The following AGAP1 variants were observed in gnomAD, a reference collection of about 807,000 sequenced individuals.
AGAP1 encodes the protein arf-GAP with GTPase, ANK repeat and PH domain-containing protein 1.
Under a neutral mutation model 105.3 loss-of-function variants are expected in AGAP1, and 29 were observed. That is an observed-to-expected ratio of 0.28 (90% CI 0.21 to 0.38). The LOEUF is 0.38. AGAP1 is among the 10% of genes least tolerant of loss of function. AGAP1 has a pLI of 1.00. For synonymous variants in AGAP1, 509 were observed against 485.9 expected (o/e 1.05, Z -0.63); for missense variants, 998 against 1,165.1 (o/e 0.86, Z 2.09).
intron 1 of AGAP1, among the ~76,000 whole-genome samples, chr2:235,618,804 T>C (rs979910841): frequency 6.6e-6 from 1 of 152,206 alleles, no homozygotes; most frequent in South Asian, 2.1e-4. Context: ...CCCCCAAAGA[T>C]GTCCCAAGTC....
rs1051196843 is a variant in AGAP1 at position 235,792,150 on chromosome 2, G to A, written c.674-5609G>A. ...CTGTGCTCCAGCTTTCCCAGTAGCA[G>A]AGGAACCCTCTTCCCAAACGTGGGC... On this transcript the variant is annotated intron_variant, in intron 6 of 17. Coordinates refer to ENST00000304032, the MANE Select transcript of AGAP1 (RefSeq NM_001037131.3). The surrounding 1 kb of genome is among the most constrained non-coding windows in gnomAD (Gnocchi z 5.3). 2.0e-5 allele frequency among the ~76,000 whole-genome samples: 3 copies of A among 152,164 alleles called. No individual in the cohort carries two copies. The highest frequency in any genetic ancestry group is 7.2e-5 in the African/African-American group (3 of 41,428).
rs538142525 is a variant in AGAP1 at position 235,633,279 on chromosome 2, T to C, written c.164-75900T>C. Among the ~76,000 whole-genome samples, 1 of 152,190 alleles carries C rather than the reference T, an allele frequency of 6.6e-6. No individual in the cohort carries two copies. Among genetic ancestry groups the C allele is most frequent in the East Asian group, 1.9e-4 (1 of 5,156 alleles). ...GTTCCATGACTTGGGGGCAGCCAAG[T>C]AGAAGTGGAATTGGACAAATAGGGC... On this transcript the variant is annotated intron_variant, in intron 1 of 17. Coordinates refer to ENST00000304032, the MANE Select transcript of AGAP1 (RefSeq NM_001037131.3). This position sits in a 1 kb window ranked among gnomAD's most constrained non-coding sequence, Gnocchi z 4.8.
intron 6 of AGAP1, among the ~76,000 whole-genome samples, chr2:235,796,710 C>T (rs1268031979): frequency 6.6e-6 from 1 of 152,168 alleles, no homozygotes; most frequent in African/African-American, 2.4e-5. Flanking sequence ...GCCCCGTCTA[C>T]GTTATAACCT....
chr2:235,754,037 A>T lies in AGAP1; in HGVS notation c.673+3549A>T, dbSNP rs1953695825. ...GTTAAACATTGTAAGGTTTATATAA[A>T]GTTGAAGAAATTGAGGCTCAGAGAA... On this transcript the variant is annotated intron_variant, in intron 6 of 17. Transcript: ENST00000304032. The surrounding 1 kb of genome is among the most constrained non-coding windows in gnomAD (Gnocchi z 4.6). Among the ~76,000 whole-genome samples the T allele has an allele frequency of 6.6e-6, 1 of 152,220 alleles. No individual in the cohort carries two copies. Among genetic ancestry groups the T allele is most frequent in the African/African-American group, 2.4e-5 (1 of 41,452 alleles).
rs181506017 is a variant in AGAP1, at chr2:235,547,773, G to A, written c.163+52924G>A. ...CTCCCACAGTGCTGGGATTACAGGC[G>A]TGAGCCACCATGCCCGGCCATGAGT... On this transcript the variant is annotated intron_variant, in intron 1 of 17. Transcript: ENST00000304032. Among the ~76,000 whole-genome samples the A allele has an allele frequency of 1.9e-3, 291 of 152,292 alleles. 1 individual carries two copies. Among genetic ancestry groups the A allele is most frequent in the South Asian group, 7.5e-3 (36 of 4,826 alleles).
At chr2:235,613,202 G>A (rs1299722671) in intron 1 of AGAP1, among the ~76,000 whole-genome samples, 1 of 151,920 alleles carries the variant, frequency 6.6e-6, no homozygotes, top group Admixed American at 6.6e-5. Context: ...CGCCATTTTG[G>A]CCAGGCTGGT....
chr2:235,984,457 G>A (rs1352673557), intron 13 of AGAP1, among the ~76,000 whole-genome samples: 2 of 146,102 alleles, frequency 1.4e-5, no homozygotes, highest in East Asian at 4.0e-4. Context: ...ACTTTTCAAG[G>A]AACCACCAAA....
chr2:236,040,917 A>G lies in AGAP1; in HGVS notation c.1891+76A>G, dbSNP rs2057531087. The G allele has an allele frequency of 6.2e-6, 9 of 1,450,870 alleles. No homozygotes were observed. The highest frequency in any genetic ancestry group is 8.7e-6 in the Non-Finnish European group (9 of 1,036,268). 89.9% of individuals were successfully genotyped at this position (1,450,870 alleles called of 1,614,324 possible). ...CATGGTCCCACTAGGCCCGGGTTGC[A>G]GGGGACTCACATCTGTCCTGTTTGG... On this transcript the variant is annotated intron_variant, in intron 15 of 17. Coordinates refer to ENST00000304032, the MANE Select transcript of AGAP1 (RefSeq NM_001037131.3). The surrounding 1 kb of genome is among the most constrained non-coding windows in gnomAD (Gnocchi z 5.6).
intron 10 of AGAP1, among the ~76,000 whole-genome samples, chr2:235,894,770 G>T (rs1433791375): frequency 6.6e-6 from 1 of 152,132 alleles, no homozygotes; most frequent in Non-Finnish European, 1.5e-5. Context: ...TTATTCTAAA[G>T]TGTGATTCGG....
intron 16 of AGAP1, among the ~76,000 whole-genome samples, chr2:236,112,828 G>A (rs895251945): frequency 5.3e-5 from 8 of 152,360 alleles, no homozygotes; most frequent in Middle Eastern, 3.4e-3. Context: ...GTTGCTGGCC[G>A]GCCACCTTAT....
rs1230018892 is a variant in AGAP1 at position 235,993,012 on chromosome 2, T to C, written c.1645+24389T>C. Among the ~76,000 whole-genome samples, 1 of 152,220 alleles carries C rather than the reference T, an allele frequency of 6.6e-6. No individual in the cohort carries two copies. Among genetic ancestry groups the C allele is most frequent in the African/African-American group, 2.4e-5 (1 of 41,452 alleles). Reference sequence around the variant, plus strand: ...TCATGAAAGATAGTAGCAAAAGTTATTGTTATACGTTACAAAAAACCAGTT... The same window carrying C: ...TCATGAAAGATAGTAGCAAAAGTTACTGTTATACGTTACAAAAAACCAGTT... On this transcript the variant is annotated intron_variant, in intron 13 of 17. Transcript: ENST00000304032. The surrounding 1 kb of genome is among the most constrained non-coding windows in gnomAD (Gnocchi z 5.0).
chr2:235,649,853 A>C (rs1049529649), intron 1 of AGAP1, among the ~76,000 whole-genome samples: 3 of 152,256 alleles, frequency 2.0e-5, no homozygotes, highest in Non-Finnish European at 4.4e-5. Context: ...GAAGTACTTC[A>C]GCTCCTCCAT....
intron 6 of AGAP1, among the ~76,000 whole-genome samples, chr2:235,757,739 T>C (rs1258084648): frequency 6.6e-6 from 1 of 152,184 alleles, no homozygotes; most frequent in Admixed American, 6.5e-5. Flanking sequence ...GGTGTGCTCT[T>C]GATGCTTTGC....
Position 235,787,527 on chromosome 2 carries a change from G to A in AGAP1, c.674-10232G>A, listed in dbSNP as rs976832415. Among the ~76,000 whole-genome samples the A allele has an allele frequency of 1.3e-5, 2 of 152,192 alleles. No homozygotes were observed. Among genetic ancestry groups the A allele is most frequent in the African/African-American group, 4.8e-5 (2 of 41,452 alleles). ...GACAAGGTGTGCAGGAGGTGGATGT[G>A]ATGTTGTGGTTGGTTGGTTGACATT... is the stretch of plus-strand genomic sequence containing the variant. On this transcript the variant is annotated intron_variant, in intron 6 of 17. Transcript: ENST00000304032. The surrounding 1 kb of genome is among the most constrained non-coding windows in gnomAD (Gnocchi z 4.4).
At chr2:235,955,909 C>T (rs2053927816) in intron 12 of AGAP1, among the ~76,000 whole-genome samples, 1 of 152,186 alleles carries the variant, frequency 6.6e-6, no homozygotes, top group Non-Finnish European at 1.5e-5. Context: ...CCCACCTTCC[C>T]CACTCAGATA....
Position 235,714,307 on chromosome 2 carries a change from T to C in AGAP1, c.223-3250T>C, listed in dbSNP as rs1950988015. On this transcript the variant is annotated intron_variant, in intron 2 of 17. Coordinates refer to ENST00000304032, the MANE Select transcript of AGAP1 (RefSeq NM_001037131.3). This position sits in a 1 kb window ranked among gnomAD's most constrained non-coding sequence, Gnocchi z 4.1. ...CTGGGATTACAGGCGTGAGCCACCA[T>C]GCCCAGCCAGGGGTTAGGTTTCAAC... 6.6e-6 allele frequency among the ~76,000 whole-genome samples: 1 copy of C among 152,000 alleles called. No individual in the cohort carries two copies. Among genetic ancestry groups the C allele is most frequent in the Non-Finnish European group, 1.5e-5 (1 of 68,002 alleles).
chr2:235,722,501 A>G (rs1951438586), intron 3 of AGAP1, among the ~76,000 whole-genome samples: 1 of 152,180 alleles, frequency 6.6e-6, no homozygotes, highest in Non-Finnish European at 1.5e-5. Context: ...TCAGCAATCC[A>G]TGCTGTTTCT....
intron 1 of AGAP1, among the ~76,000 whole-genome samples, chr2:235,645,098 G>A (rs1947330204): frequency 6.6e-6 from 1 of 152,104 alleles, no homozygotes; most frequent in African/African-American, 2.4e-5. Context: ...GTTTTACCAT[G>A]TTGGCCAGGC....
chr2:235,883,132 T>G lies in AGAP1; in HGVS notation c.1051-213T>G, dbSNP rs1016337030. 2.0e-5 allele frequency among the ~76,000 whole-genome samples: 3 copies of G among 152,140 alleles called. No individual in the cohort carries two copies. The highest frequency in any genetic ancestry group is 4.4e-5 in the Non-Finnish European group (3 of 68,036). Reference sequence around the variant, plus strand: ...TACCTTTAGGTGTTTCCTGTGTGTTTAGCAGTTAATTATCCAAAAGATCTA... The same window carrying G: ...TACCTTTAGGTGTTTCCTGTGTGTTGAGCAGTTAATTATCCAAAAGATCTA... On this transcript the variant is annotated intron_variant, in intron 9 of 17. Transcript: ENST00000304032. This position sits in a 1 kb window ranked among gnomAD's most constrained non-coding sequence, Gnocchi z 4.5.
Sources: gnomAD v4.1 joint callset for allele counts (sites outside exome capture counted in the v4.1 genomes callset) on GRCh38, gnomAD v4.1.1 for gene constraint, Gnocchi (gnomAD v3.1) non-coding constraint, MANE v1.5 for transcripts, NCBI Gene and HGNC (gene_info 2026-07-23, HGNC 2026-07-21) for gene names.